CNTN1: variants seen among roughly 807,000 people sequenced by gnomAD.
The protein encoded by CNTN1 is contactin-1.
CNTN1 carries 38 observed loss-of-function variants against 126.4 expected under a neutral mutation model. The observed-to-expected ratio is 0.30, with a 90% CI of 0.23 to 0.39. The LOEUF (loss-of-function observed/expected upper bound fraction) is 0.39. Ranked by LOEUF, CNTN1 falls within the 10% of genes least tolerant of loss-of-function variation. The pLI is 1.00. For synonymous variants in CNTN1, 413 were observed against 422.6 expected, an observed-to-expected ratio of 0.98 and a Z score of 0.28; for missense variants, 1,009 against 1,248.4, an observed-to-expected ratio of 0.81 and a Z score of 2.89.
chr12:40,725,901 A>T (rs552322885), intron 1 of CNTN1, among the ~76,000 whole-genome samples: 16 of 151,596 alleles, frequency 1.1e-4, no homozygotes, highest in African/African-American at 3.7e-4. Flanking sequence ...GGCGTTTAGT[A>T]GGCATTCAAT....
At position 40,749,022 on chromosome 12, in the gene CNTN1, ATTAGTGAATTATT is replaced by A. The variant is rs1938291517; in HGVS notation, c.-77+56432_-77+56444del. On this transcript the variant is annotated intron_variant, in intron 1 of 23. Coordinates refer to ENST00000551295, the MANE Select transcript of CNTN1 (RefSeq NM_001843.4). Reference sequence around the variant, plus strand: ...GTTTTATACCACAGTATTCTTTGATATTAGTGAATTATTTCAGTTTGCTTCTTTGCATTGTTAT... The same window carrying A: ...GTTTTATACCACAGTATTCTTTGATATCAGTTTGCTTCTTTGCATTGTTAT... 2.0e-5 allele frequency among the ~76,000 whole-genome samples: 3 copies of A among 152,212 alleles called. No homozygotes were observed. In the South Asian group the frequency reaches 6.2e-4, roughly 32 times the overall value.
At chr12:40,881,991 C>T (rs949177614) in intron 1 of CNTN1, among the ~76,000 whole-genome samples, 5 of 148,482 alleles carry the variant, frequency 3.4e-5, no homozygotes, top group African/African-American at 7.3e-5. Flanking sequence ...CAGAGAACAG[C>T]GTTTTTAAAA....
At chr12:40,727,273 T>G (rs1942381419) in intron 1 of CNTN1, among the ~76,000 whole-genome samples, 1 of 151,924 alleles carries the variant, frequency 6.6e-6, no homozygotes, top group Non-Finnish European at 1.5e-5. Context: ...TTAAAAGTTT[T>G]TAGTCATTAT....
In CNTN1 at chr12:40,922,440, G is replaced by A. The variant is rs748557605; in HGVS notation, c.400+12G>A. The A allele has an allele frequency of 6.2e-7, 1 of 1,613,480 alleles. No homozygotes were observed. The highest frequency in any genetic ancestry group is 8.5e-7 in the Non-Finnish European group (1 of 1,179,574). ...CCTGAGCTTTGGATGTAAGTAAACT[G>A]TAACTTTTAAAAAAGGGCAAGCGTG... On this transcript the variant is annotated intron_variant, in intron 5 of 23. Coordinates refer to ENST00000551295, the MANE Select transcript of CNTN1 (RefSeq NM_001843.4).
intron 1 of CNTN1, among the ~76,000 whole-genome samples, chr12:40,693,388 G>T (rs1369761749): frequency 6.6e-6 from 1 of 152,194 alleles, no homozygotes; most frequent in African/African-American, 2.4e-5. Context: ...GATGGGCTCC[G>T]AGCGGCTGCG....
chr12:40,764,011 A>G (rs1035311502), intron 1 of CNTN1, among the ~76,000 whole-genome samples: 2 of 152,172 alleles, frequency 1.3e-5, no homozygotes, highest in Non-Finnish European at 2.9e-5. Context: ...CAAACCATGG[A>G]AACACTTTTA....
intron 1 of CNTN1, among the ~76,000 whole-genome samples, chr12:40,837,452 G>A (rs1942103402): frequency 6.6e-6 from 1 of 152,118 alleles, no homozygotes; most frequent in African/African-American, 2.4e-5. Context: ...CCTGACTATA[G>A]GAGAACCCCT....
intron 1 of CNTN1, among the ~76,000 whole-genome samples, chr12:40,787,293 A>T (rs1940060251): frequency 6.6e-6 from 1 of 152,166 alleles, no homozygotes; most frequent in African/African-American, 2.4e-5. Flanking sequence ...GGCAGCTATC[A>T]TCAATCAACA....
At chr12:40,886,174 T>C (rs1296883471) in intron 1 of CNTN1, among the ~76,000 whole-genome samples, 1 of 152,100 alleles carries the variant, frequency 6.6e-6, no homozygotes, top group Non-Finnish European at 1.5e-5. Flanking sequence ...TTGTTGTAAA[T>C]ACAATTTTTG....
chr12:41,051,455 T>C (rs1949680335), intron 23 of CNTN1, among the ~76,000 whole-genome samples: 1 of 152,002 alleles, frequency 6.6e-6, no homozygotes, highest in Non-Finnish European at 1.5e-5. Flanking sequence ...CCAGCCTGTT[T>C]TGTGATCTTA....
chr12:40,906,238 T>A (rs764590624), intron 1 of CNTN1, among the ~76,000 whole-genome samples: 28 of 152,082 alleles, frequency 1.8e-4, no homozygotes, highest in Non-Finnish European at 3.5e-4. Context: ...ACCACTGCAC[T>A]CCAGACTGGG....
At chr12:40,844,069 A>ATTTTTTTTGTTTTTTTTTTTTT (rs1942398116) in intron 1 of CNTN1, among the ~76,000 whole-genome samples, 1 of 84,684 alleles carries the variant, frequency 1.2e-5, no homozygotes, top group African/African-American at 4.0e-5. Flanking sequence ...TGGCACAATG[A>ATTTTTTTTGTTTTTTTTTTTTT]TTTTTTTTTT....
At chr12:40,869,523 G>T (rs1305096146) in intron 1 of CNTN1, among the ~76,000 whole-genome samples, 2 of 152,050 alleles carry the variant, frequency 1.3e-5, no homozygotes, top group Admixed American at 6.6e-5. Flanking sequence ...GCCCACTTCA[G>T]CCTCCCAAAG....
chr12:40,749,734 A>C (rs1938326524), intron 1 of CNTN1, among the ~76,000 whole-genome samples: 1 of 98,448 alleles, frequency 1.0e-5, no homozygotes, highest in African/African-American at 3.7e-5. Flanking sequence ...TGATAGGTTA[A>C]GTAACATGAC....
At chr12:41,046,366 G>T (rs897974698) in intron 23 of CNTN1, among the ~76,000 whole-genome samples, 1 of 151,968 alleles carries the variant, frequency 6.6e-6, no homozygotes, top group Non-Finnish European at 1.5e-5. Context: ...ATATTACTCT[G>T]TCACCAATAA....
intron 1 of CNTN1, among the ~76,000 whole-genome samples, chr12:40,803,848 G>A (rs547437159): frequency 6.6e-6 from 1 of 151,552 alleles, no homozygotes; most frequent in African/African-American, 2.4e-5. Context: ...AGATAGGGGA[G>A]ATAACTTTTG....
intron 1 of CNTN1, among the ~76,000 whole-genome samples, chr12:40,830,770 G>C (rs926232654): frequency 5.3e-5 from 7 of 132,736 alleles, no homozygotes; most frequent in African/African-American, 1.9e-4. Context: ...TATATATTGA[G>C]AGAGAGGGAG....
intron 1 of CNTN1, among the ~76,000 whole-genome samples, chr12:40,864,814 G>A (rs1482229544): frequency 6.6e-6 from 1 of 152,102 alleles, no homozygotes; most frequent in East Asian, 1.9e-4. Flanking sequence ...TAAGTTTTGT[G>A]TAGATATATG....
intron 1 of CNTN1, among the ~76,000 whole-genome samples, chr12:40,881,058 A>G (rs1223243116): frequency 6.6e-6 from 1 of 151,964 alleles, no homozygotes; most frequent in African/African-American, 2.4e-5. Context: ...AGAATTCAGT[A>G]ATTTAGTGTT....
Sources: allele counts gnomAD v4.1 joint callset (sites outside exome capture counted in the v4.1 genomes callset), GRCh38; gene constraint gnomAD v4.1.1; transcripts MANE v1.5; gene names NCBI Gene and HGNC (gene_info 2026-07-23, HGNC 2026-07-21).